RAP1GDS1: variants seen among roughly 807,000 people sequenced by gnomAD.
RAP1GDS1 encodes Rap1 GTPase-GDP dissociation stimulator 1.
In RAP1GDS1, 35 loss-of-function variants were observed where a neutral mutation model predicts 71.1. That is an observed-to-expected ratio of 0.49 (90% CI 0.38 to 0.65). The LOEUF (loss-of-function observed/expected upper bound fraction) is 0.65, where lower values mean the gene tolerates loss of function less well. Among genes scored for constraint, RAP1GDS1 ranks in the 30% least tolerant of loss-of-function variants. The pLI is 0.00. For synonymous variants in RAP1GDS1, 229 were observed against 243.1 expected (o/e 0.94, Z 0.54); for missense variants, 663 against 706.1 (o/e 0.94, Z 0.69).
chr4:98,271,338 A>G (rs1384946128), intron 1 of RAP1GDS1, among the ~76,000 whole-genome samples: 2 of 152,166 alleles, frequency 1.3e-5, no homozygotes, highest in Non-Finnish European at 2.9e-5. Context: ...AATAATGATA[A>G]TTAGAGGGGT....
chr4:98,379,513 G>A (rs960166644), intron 5 of RAP1GDS1: 1 of 156,866 alleles, frequency 6.4e-6, no homozygotes, highest in Non-Finnish European at 1.4e-5. Context: ...TTTAAAATAT[G>A]AACACTGTTT....
chr4:98,439,753 T>G (rs1311235624), intron 14 of RAP1GDS1, among the ~76,000 whole-genome samples: 2 of 152,256 alleles, frequency 1.3e-5, no homozygotes, highest in Non-Finnish European at 2.9e-5. Context: ...TCCATTTGCT[T>G]CTTCTTTATA....
chr4:98,269,917 G>C (rs1158784492), intron 1 of RAP1GDS1, among the ~76,000 whole-genome samples: 1 of 152,092 alleles, frequency 6.6e-6, no homozygotes, highest in Non-Finnish European at 1.5e-5. Context: ...TATTAGAATA[G>C]GTTATTGTCT....
chr4:98,436,827 TTTA>T, intron 13 of RAP1GDS1, 110 bp from the exon 14 acceptor site: 1 of 1,028,644 alleles, frequency 9.7e-7, no homozygotes, highest in Non-Finnish European at 1.3e-6. Context: ...GTCATTATTA[TTTA>T]TCAGTTCCAT....
At chr4:98,269,502 G>A (rs12508445) in intron 1 of RAP1GDS1, among the ~76,000 whole-genome samples, 26,139 of 152,046 alleles carry the variant, frequency 0.17, 3,786 homozygotes, top group African/African-American at 0.39. Context: ...AAGTTTCTCT[G>A]TAGCAAAGGA....
At chr4:98,405,121 G>A (rs567281253) in intron 7 of RAP1GDS1, among the ~76,000 whole-genome samples, 1 of 152,292 alleles carries the variant, frequency 6.6e-6, no homozygotes, top group Admixed American at 6.5e-5. Context: ...AAAACACACT[G>A]TAAGCAAGAG....
At chr4:98,348,996 T>C (rs1285280647) in intron 3 of RAP1GDS1, among the ~76,000 whole-genome samples, 3 of 152,048 alleles carry the variant, frequency 2.0e-5, no homozygotes, top group African/African-American at 7.2e-5. Context: ...TCAATTTTGG[T>C]TTTTGTTACC....
At chr4:98,277,443 T>A (rs1167498419) in intron 1 of RAP1GDS1, among the ~76,000 whole-genome samples, 3 of 152,242 alleles carry the variant, frequency 2.0e-5, no homozygotes, top group Non-Finnish European at 4.4e-5. Context: ...TGCTACCTCT[T>A]ATTTCTCATT....
intron 2 of RAP1GDS1, among the ~76,000 whole-genome samples, chr4:98,321,545 G>A (rs1282075062): frequency 6.7e-5 from 10 of 149,830 alleles, no homozygotes; most frequent in Admixed American, 1.3e-4. Context: ...CCCTCAAAGG[G>A]AAGCCCATCA....
chr4:98,266,354 G>A (rs545933425), intron 1 of RAP1GDS1, among the ~76,000 whole-genome samples: 2 of 152,020 alleles, frequency 1.3e-5, no homozygotes, highest in Non-Finnish European at 2.9e-5. Flanking sequence ...ACTCTTTACT[G>A]ATGAATGGTT....
At chr4:98,327,051 G>A (rs1397421723) in intron 2 of RAP1GDS1, among the ~76,000 whole-genome samples, 1 of 152,172 alleles carries the variant, frequency 6.6e-6, no homozygotes, top group Admixed American at 6.5e-5. Flanking sequence ...ACTTTACAAT[G>A]ATGTGATCTC....
chr4:98,278,365 G>T (rs916311271), intron 1 of RAP1GDS1, among the ~76,000 whole-genome samples: 5 of 151,994 alleles, frequency 3.3e-5, no homozygotes, highest in African/African-American at 1.2e-4. Context: ...GTTCCTGGAG[G>T]TATCTGAATT....
intron 12 of RAP1GDS1, among the ~76,000 whole-genome samples, chr4:98,422,002 C>T (rs888364557): frequency 6.6e-6 from 1 of 151,758 alleles, no homozygotes; most frequent in Non-Finnish European, 1.5e-5. Context: ...TCAAGACCAT[C>T]CTGGATAACA....
chr4:98,357,752 A>G (rs1365147402), intron 4 of RAP1GDS1, among the ~76,000 whole-genome samples: 1 of 151,932 alleles, frequency 6.6e-6, no homozygotes, highest in Non-Finnish European at 1.5e-5. Context: ...TAATATAATT[A>G]TAAATGTATA....
chr4:98,368,520 A>G (rs1300095449), intron 4 of RAP1GDS1, among the ~76,000 whole-genome samples: 1 of 152,192 alleles, frequency 6.6e-6, no homozygotes, highest in Non-Finnish European at 1.5e-5. Flanking sequence ...GTTTTCTTAA[A>G]GGTGACTTTA....
chr4:98,289,295 G>C (rs12513154), intron 1 of RAP1GDS1, among the ~76,000 whole-genome samples: 1 of 152,026 alleles, frequency 6.6e-6, no homozygotes, highest in Admixed American at 6.6e-5. Context: ...CTGACTGCAG[G>C]AATACAGAAA....
intron 6 of RAP1GDS1, among the ~76,000 whole-genome samples, chr4:98,400,604 TACAG>T (rs1193886021): frequency 1.3e-5 from 2 of 151,200 alleles, no homozygotes; most frequent in South Asian, 4.2e-4. Flanking sequence ...AAAGATTAGA[TACAG>T]AAGATACAAA....
At chr4:98,348,914 C>T (rs558512954) in intron 3 of RAP1GDS1, among the ~76,000 whole-genome samples, 1 of 151,914 alleles carries the variant, frequency 6.6e-6, no homozygotes, top group Non-Finnish European at 1.5e-5. Context: ...CCATTCTGTA[C>T]GTTGCCTGTT....
At chr4:98,280,987 G>A (rs927043164) in intron 1 of RAP1GDS1, among the ~76,000 whole-genome samples, 2 of 152,084 alleles carry the variant, frequency 1.3e-5, no homozygotes, top group African/African-American at 2.4e-5. Context: ...TTTGGTACCA[G>A]TACCATGCTG....
Sources: gnomAD v4.1 joint callset for allele counts (sites outside exome capture counted in the v4.1 genomes callset) on GRCh38, gnomAD v4.1.1 for gene constraint, MANE v1.5 for transcripts, NCBI Gene and HGNC (gene_info 2026-07-23, HGNC 2026-07-21) for gene names.